ECE1: variants seen among roughly 807,000 people sequenced by gnomAD.
ECE1 encodes endothelin converting enzyme 1, also known as endothelin-converting enzyme 1.
Under a neutral mutation model 98.6 loss-of-function variants are expected in ECE1, and 35 were observed. That is an observed-to-expected ratio of 0.35 (90% CI 0.27 to 0.47). ECE1 has a LOEUF of 0.47. ECE1 is among the 20% of genes least tolerant of loss of function. The pLI, the probability that ECE1 is intolerant of heterozygous loss-of-function variation, is 1.00. For missense variants in ECE1, 814 were observed against 1,025.3 expected (o/e 0.79, Z 2.81); for synonymous variants, 394 against 407.1 (o/e 0.97, Z 0.39).
In ECE1 at chr1:21,235,067, G is replaced by A. The variant is rs962343282; in HGVS notation, c.1566+783C>T. ...TGGGCATGGTGGCTCATGAATATGA[G>A]CCAGCCTGGGAGGCGGAGGTTGCAG... On this transcript the variant is annotated intron_variant, in intron 13 of 18. Transcript: ENST00000374893. This position sits in a 1 kb window ranked among gnomAD's most constrained non-coding sequence, Gnocchi z 4.2. Among the ~76,000 whole-genome samples, 2 of 152,154 alleles carry A rather than the reference G, an allele frequency of 1.3e-5. No homozygotes were observed. Among genetic ancestry groups the A allele is most frequent in the Non-Finnish European group, 2.9e-5 (2 of 68,024 alleles).
chr1:21,242,160 CAGGGA>C (rs2098197263), intron 10 of ECE1, among the ~76,000 whole-genome samples: 1 of 152,202 alleles, frequency 6.6e-6, no homozygotes, highest in African/African-American at 2.4e-5. Flanking sequence ...ATAAGCAAGG[CAGGGA>C]TCTGTTACCC....
chr1:21,240,524 CT>C (rs1345019390), intron 10 of ECE1, among the ~76,000 whole-genome samples: 1 of 152,176 alleles, frequency 6.6e-6, no homozygotes, highest in African/African-American at 2.4e-5. Context: ...GAACTGAATA[CT>C]TAATGTACAC....
At chr1:21,223,113 C>T (rs1299745876) in intron 17 of ECE1, among the ~76,000 whole-genome samples, 1 of 149,692 alleles carries the variant, frequency 6.7e-6, no homozygotes, top group Non-Finnish European at 1.5e-5. Context: ...TAACTGGAAC[C>T]ACAGATGCAC....
chr1:21,235,885 T>C lies in ECE1; in HGVS notation c.1531A>G (p.Met511Val). The C allele has an allele frequency of 2.5e-6, 4 of 1,614,174 alleles. No individual in the cohort carries two copies. Among genetic ancestry groups the C allele is most frequent in the Non-Finnish European group, 3.4e-6 (4 of 1,180,030 alleles). ...YNMIGYPNFI[M>V]DPKELDKVFN... Reference sequence around the variant, plus strand: ...ACTTTGTCCAGCTCCTTGGGATCCATGATGAAGTTGGGGTATCCTATCATG... The same window carrying C: ...ACTTTGTCCAGCTCCTTGGGATCCACGATGAAGTTGGGGTATCCTATCATG... The change falls in exon 13 of 19, where the codon ATG (methionine) becomes GTG (valine). Residue 511 changes from methionine (M) to valine (V), a missense_variant. Transcript: ENST00000374893. This position sits in a 1 kb window ranked among gnomAD's most constrained non-coding sequence, Gnocchi z 4.2.
chr1:21,289,993 C>CG (rs1453728961), intron 2 of ECE1, 77 bp downstream of exon 2: 57 of 897,938 alleles, frequency 6.3e-5, no homozygotes, highest in East Asian at 1.1e-4. Flanking sequence ...TAGGTAGGGG[C>CG]GGGGGGCGCG....
intron 2 of ECE1, among the ~76,000 whole-genome samples, chr1:21,287,895 T>C (rs887705060): frequency 6.6e-6 from 1 of 152,170 alleles, no homozygotes; most frequent in Admixed American, 6.5e-5. Context: ...CCGTTTTTAA[T>C]TCCTTTTTAT....
intron 1 of ECE1, among the ~76,000 whole-genome samples, chr1:21,329,751 C>T (rs1639156445): frequency 2.6e-5 from 4 of 152,202 alleles, no homozygotes; most frequent in Admixed American, 2.6e-4. Flanking sequence ...ACCACAAATC[C>T]TAGTCACTTA....
chr1:21,255,089 C>T (rs1053172646), intron 8 of ECE1, among the ~76,000 whole-genome samples: 3 of 152,204 alleles, frequency 2.0e-5, no homozygotes, highest in African/African-American at 7.2e-5. Flanking sequence ...CCCATATACA[C>T]CTGTCAGCTG....
Position 21,285,758 on chromosome 1 carries a change from G to A in ECE1, c.138+4312C>T, listed in dbSNP as rs150520092. ...TGCAATCCCAGCACTTTGGAAGGCCGAGGCAGGTGGATCACCTGAGGTCGG... is the reference window on the plus strand; with the variant it reads ...TGCAATCCCAGCACTTTGGAAGGCCAAGGCAGGTGGATCACCTGAGGTCGG... On this transcript the variant is annotated intron_variant, in intron 2 of 18. Transcript: ENST00000374893. Among the ~76,000 whole-genome samples, 418 of 150,756 alleles carry A rather than the reference G, an allele frequency of 2.8e-3. 1 individual carries two copies. Among genetic ancestry groups the A allele is most frequent in the African/African-American group, 8.5e-3 (350 of 40,970 alleles).
At chr1:21,234,504 G>A (rs2098185700) in intron 13 of ECE1, among the ~76,000 whole-genome samples, 1 of 151,254 alleles carries the variant, frequency 6.6e-6, no homozygotes, top group Non-Finnish European at 1.5e-5. Context: ...TTTGAGACAG[G>A]GTCTTGCTCT....
intron 8 of ECE1, among the ~76,000 whole-genome samples, chr1:21,251,093 A>G (rs2098212236): frequency 6.6e-6 from 1 of 152,302 alleles, no homozygotes; most frequent in African/African-American, 2.4e-5. Context: ...TGGAGGTCTA[A>G]AACCCAGGTT....
intron 14 of ECE1, among the ~76,000 whole-genome samples, chr1:21,232,296 TTTTC>T (rs903936643): frequency 4.0e-5 from 6 of 151,852 alleles, no homozygotes; most frequent in Admixed American, 1.3e-4. Context: ...CAGTTTTTTT[TTTTC>T]TTTCTTTCTT....
chr1:21,260,220 G>A lies in ECE1; in HGVS notation c.615+51C>T, dbSNP rs759681328. On this transcript the variant is annotated intron_variant, in intron 5 of 18. Coordinates refer to ENST00000374893, the MANE Select transcript of ECE1 (RefSeq NM_001397.3). The surrounding 1 kb of genome is among the most constrained non-coding windows in gnomAD (Gnocchi z 4.3). The stretch of plus-strand genomic sequence containing the variant: ...AAGGCTGGAGTGGAAGCCAGGGGGC[G>A]GGCAGGTGGCATGGGCCGGGGCTTG... The A allele has an allele frequency of 1.7e-5, 27 of 1,613,562 alleles. 1 individual carries two copies. Among genetic ancestry groups the A allele is most frequent in the South Asian group, 8.8e-5 (8 of 91,062 alleles).
At chr1:21,282,127 AAAATT>A (rs2098255269) in intron 2 of ECE1, among the ~76,000 whole-genome samples, 1 of 152,024 alleles carries the variant, frequency 6.6e-6, no homozygotes, top group Non-Finnish European at 1.5e-5. Context: ...TCTCTTAAAA[AAAATT>A]AAATTAAATT....
Position 21,225,437 on chromosome 1 carries a change from C to T in ECE1, c.1853G>A (p.Arg618Gln), listed in dbSNP as rs760171613. 20 of 1,613,830 alleles carry T rather than the reference C, an allele frequency of 1.2e-5. No individual in the cohort carries two copies. Among genetic ancestry groups the T allele is most frequent in the African/African-American group, 1.2e-4 (9 of 74,918 alleles). Reference sequence around the variant, plus strand: ...GAGGTTCCCGTCCTTGTCATACTCCCGTCCTGTGGGTCAGAGGGAGGCGTC... The same window carrying T: ...GAGGTTCCCGTCCTTGTCATACTCCTGTCCTGTGGGTCAGAGGGAGGCGTC... ...ELTHAFDDQG[R>Q]EYDKDGNLRP... The change falls in exon 17 of 19, where the codon CGG (arginine) becomes CAG (glutamine). Residue 618 changes from arginine to glutamine, a missense_variant. Arg to Gln is a conservative substitution (Grantham distance 43, BLOSUM62 1). Around this residue, in one of 3 missense-constraint regions of ECE1, gnomAD observed 452 missense variants for 567.3 expected, o/e 0.80. Transcript: ENST00000374893. The surrounding 1 kb of genome is among the most constrained non-coding windows in gnomAD (Gnocchi z 5.3).
intron 14 of ECE1, among the ~76,000 whole-genome samples, chr1:21,229,298 C>T (rs2098178813): frequency 2.0e-5 from 3 of 151,992 alleles, no homozygotes. Context: ...ATCCTCCCAC[C>T]TCAGCCTCTC....
At position 21,341,896 on chromosome 1, in the gene ECE1, G is replaced by A. The variant is rs565709956; in HGVS notation, c.3+3480C>T. On this transcript the variant is annotated intron_variant, in intron 1 of 18. Transcript: ENST00000415912. ...CAAGTGATCCTCTCGCCTCGCCCCC[G>A]CAAAATGCTGGGACTACAAGCGTGA... Among the ~76,000 whole-genome samples the A allele has an allele frequency of 5.9e-5, 9 of 151,628 alleles. No individual in the cohort carries two copies. The East Asian group carries it at 1.5e-3, about 26-fold the overall frequency.
intron 8 of ECE1, among the ~76,000 whole-genome samples, chr1:21,251,300 T>C (rs2098212520): frequency 6.6e-6 from 1 of 151,994 alleles, no homozygotes; most frequent in Admixed American, 6.6e-5. Flanking sequence ...ATCACCTGAG[T>C]CCAGGAGTTC....
chr1:21,325,418 C>T (rs538255577), intron 1 of ECE1, among the ~76,000 whole-genome samples: 2 of 152,368 alleles, frequency 1.3e-5, no homozygotes, highest in African/African-American at 4.8e-5. Context: ...AATTTGCTTC[C>T]AGCTGCCTGT....
Sources: gnomAD v4.1 joint callset for allele counts (sites outside exome capture counted in the v4.1 genomes callset) on GRCh38, gnomAD v4.1.1 for gene constraint, gnomAD v4.1.1 regional missense constraint, Gnocchi (gnomAD v3.1) non-coding constraint, MANE v1.5 for transcripts, NCBI Gene and HGNC (gene_info 2026-07-23, HGNC 2026-07-21) for gene names.